Variants in ZC3H14 observed in about 807,000 individuals in gnomAD.
The protein encoded by ZC3H14 is zinc finger CCCH domain-containing protein 14.
Under a neutral mutation model 92.4 loss-of-function variants are expected in ZC3H14, and 31 were observed. The ratio of observed to expected loss-of-function variants is 0.34; its 90% CI spans 0.25 to 0.45. The LOEUF (loss-of-function observed/expected upper bound fraction) is 0.45, where lower values mean the gene tolerates loss of function less well. Among genes scored for constraint, ZC3H14 ranks in the 20% least tolerant of loss-of-function variants. The probability of loss-of-function intolerance (pLI) is 1.00; values close to 1 mark genes in which losing one functional copy is unlikely to be tolerated. For missense variants in ZC3H14, 781 were observed against 897.3 expected, an observed-to-expected ratio of 0.87 and a Z score of 1.66; for synonymous variants, 321 against 300.9, an observed-to-expected ratio of 1.07 and a Z score of -0.69.
rs752039401 is a variant in ZC3H14, at chr14:88,574,715, A to G, written c.884A>G (p.Lys295Arg). 9 of 1,614,160 alleles carry G rather than the reference A, an allele frequency of 5.6e-6. No homozygotes were observed. The South Asian group carries it at 9.9e-5, about 18-fold the overall frequency. ...SMEDENFRKRKLPVVSSVVKV... is the reference protein window; with the variant it reads ...SMEDENFRKRRLPVVSSVVKV... Reference sequence around the variant, plus strand: ...CAGGATGAAAACTTTCGGAAGAGAAAGTTGCCTGTGGTAAGTTCAGTTGTT... The same window carrying G: ...CAGGATGAAAACTTTCGGAAGAGAAGGTTGCCTGTGGTAAGTTCAGTTGTT... Residue 295 changes from lysine to arginine, a missense_variant, in exon 7 of 17, where the codon AAG (lysine) becomes AGG (arginine). This residue lies in a region of ZC3H14 where 454 missense variants were observed against 438.5 expected (regional missense o/e 1.04). Transcript: ENST00000251038.
chr14:88,594,343 G>A, intron 9 of ZC3H14: 1 of 986,868 alleles, frequency 1.0e-6, no homozygotes, highest in Non-Finnish European at 1.2e-6. Flanking sequence ...TTCTTTGTGT[G>A]ACACATGTCT....
chr14:88,584,125 A>C (rs573282374), intron 9 of ZC3H14, among the ~76,000 whole-genome samples: 2 of 152,152 alleles, frequency 1.3e-5, no homozygotes, highest in African/African-American at 4.8e-5. Context: ...CCATTTAATT[A>C]TATTTGCTTT....
At chr14:88,594,200 T>C (rs1198716205) in intron 9 of ZC3H14, among the ~76,000 whole-genome samples, 1 of 152,240 alleles carries the variant, frequency 6.6e-6, no homozygotes, top group Non-Finnish European at 1.5e-5. Context: ...AAAAATGTTA[T>C]GGTTTAGATG....
rs2088970148 is a variant in ZC3H14, at chr14:88,621,683, A to ACCCC, written c.*9932_*9933insCCCC. 1.8e-5 allele frequency: 5 copies of ACCCC among 279,950 alleles called. No individual in the cohort carries two copies. Among genetic ancestry groups the ACCCC allele is most frequent in the African/African-American group, 1.1e-4 (5 of 45,498 alleles). The allele number at this position is 279,950 out of a possible 1,614,324, so 17.3% of individuals were successfully genotyped here. The stretch of plus-strand genomic sequence containing the variant: ...AAAAGTAAAAGCTTAACTACAATTT[A>ACCCC]ATATGCAGGCTGAAGATAATATCCG... On this transcript the variant is annotated 3_prime_UTR_variant, in exon 17 of 17. Coordinates refer to ENST00000251038, the MANE Select transcript of ZC3H14 (RefSeq NM_024824.5).
At chr14:88,563,231 G>C (rs2079096800) in intron 1 of ZC3H14, 62 bp downstream of exon 1, 3 of 1,569,988 alleles carry the variant, frequency 1.9e-6, no homozygotes, top group Non-Finnish European at 2.6e-6. Context: ...GTTGTCAGGA[G>C]TAACGGGGAC....
intron 1 of ZC3H14, 184 bp downstream of exon 1, chr14:88,563,353 G>T (rs1293463157): frequency 1.4e-6 from 2 of 1,458,754 alleles, no homozygotes; most frequent in African/African-American, 1.5e-5. Context: ...GCCTCGGAGC[G>T]TGGCTGCGGC....
intron 9 of ZC3H14, among the ~76,000 whole-genome samples, chr14:88,588,768 T>G (rs566017437): frequency 6.6e-6 from 1 of 152,350 alleles, no homozygotes; most frequent in East Asian, 1.9e-4. Context: ...GCCCTTACTT[T>G]AATCTGTCAG....
At position 88,615,348 on chromosome 14, in the gene ZC3H14, GATC is replaced by G. The variant is rs1422861003; in HGVS notation, c.*3600_*3602del. 1.3e-5 allele frequency: 2 copies of G among 152,880 alleles called. No homozygotes were observed. Among genetic ancestry groups the G allele is most frequent in the South Asian group, 2.1e-4 (1 of 4,840 alleles). The allele number at this position is 152,880 out of a possible 1,614,324, so 9.5% of individuals were successfully genotyped here. ...TTTAAAAACTGTGATCCTTTAGGAT[GATC>G]ATGACTTTCCCTTTCCTTATGGAAA... is the stretch of plus-strand genomic sequence containing the variant. On this transcript the variant is annotated 3_prime_UTR_variant, in exon 17 of 17. Transcript: ENST00000251038.
At chr14:88,597,995 A>G (rs1392532946) in intron 10 of ZC3H14, among the ~76,000 whole-genome samples, 2 of 151,934 alleles carry the variant, frequency 1.3e-5, no homozygotes, top group Non-Finnish European at 2.9e-5. Flanking sequence ...CTAAAAACAT[A>G]CTGATTTTGT....
chr14:88,577,051 T>A (rs2081264241), intron 8 of ZC3H14, among the ~76,000 whole-genome samples: 1 of 152,066 alleles, frequency 6.6e-6, no homozygotes, highest in South Asian at 2.1e-4. Flanking sequence ...CTCCTCGGCC[T>A]CCCAAAATGC....
chr14:88,618,675 A>C lies in ZC3H14; in HGVS notation c.*6924A>C. 1 of 1,613,040 alleles carries C rather than the reference A, an allele frequency of 6.2e-7. No individual in the cohort carries two copies. Among genetic ancestry groups the C allele is most frequent in the Non-Finnish European group, 8.5e-7 (1 of 1,179,526 alleles). On this transcript the variant is annotated 3_prime_UTR_variant, in exon 17 of 17. Coordinates refer to ENST00000251038, the MANE Select transcript of ZC3H14 (RefSeq NM_024824.5). ...CTGGAGATAACTGCTATCTGCAGAG[A>C]AGTCCATTTGAATGACAAAGCTTGG... is the stretch of plus-strand genomic sequence containing the variant.
intron 13 of ZC3H14, among the ~76,000 whole-genome samples, chr14:88,607,725 C>T (rs2085727693): frequency 7.2e-6 from 1 of 139,476 alleles, no homozygotes; most frequent in Admixed American, 7.1e-5. Context: ...GTATCATCCC[C>T]CATCTAGCCC....
intron 2 of ZC3H14, among the ~76,000 whole-genome samples, chr14:88,565,202 C>T (rs1215992855): frequency 2.6e-5 from 4 of 152,042 alleles, no homozygotes; most frequent in African/African-American, 7.2e-5. Flanking sequence ...AGTGCAGTGG[C>T]GTGATCTTGG....
intron 12 of ZC3H14, among the ~76,000 whole-genome samples, chr14:88,604,379 A>C (rs753165009): frequency 1.3e-5 from 2 of 152,078 alleles, no homozygotes; most frequent in Non-Finnish European, 2.9e-5. Flanking sequence ...TAAGATTAGC[A>C]TAGGGGTGTG....
rs2082236466 is a variant in ZC3H14 at position 88,584,254 on chromosome 14, G to A, written c.1279+6114G>A. ...TGGGTCCACTCATACACTTATATGT[G>A]GATTTTTGAAAATAAATATATTGGA... On this transcript the variant is annotated intron_variant, in intron 9 of 16. Coordinates refer to ENST00000251038, the MANE Select transcript of ZC3H14 (RefSeq NM_024824.5). 2.0e-5 allele frequency among the ~76,000 whole-genome samples: 3 copies of A among 152,036 alleles called. No homozygotes were observed. In the South Asian group the frequency reaches 6.2e-4, roughly 32 times the overall value.
At chr14:88,598,473 A>G (rs943678857) in intron 10 of ZC3H14, among the ~76,000 whole-genome samples, 3 of 152,168 alleles carry the variant, frequency 2.0e-5, no homozygotes, top group African/African-American at 7.2e-5. Context: ...TCCCCCAACC[A>G]TTGTCAGTCC....
chr14:88,609,318 T>A lies in ZC3H14; in HGVS notation c.1920T>A (p.Asn640Lys), dbSNP rs778102410. Residue 640 changes from asparagine (N) to lysine (K), a missense_variant, in exon 14 of 17, where the codon AAT becomes AAA. Asn to Lys is a moderately conservative substitution (Grantham distance 94, BLOSUM62 0). Around this residue, in one of 3 missense-constraint regions of ZC3H14, gnomAD observed 221 missense variants for 304.7 expected, o/e 0.73. Coordinates refer to ENST00000251038, the MANE Select transcript of ZC3H14 (RefSeq NM_024824.5). The part of the protein sequence containing the change: ...FAEKCLFVHP[N>K]CKYDAKCTKP... ...AAAAATGTTTGTTTGTTCACCCAAATTGTAAATATGATGCAAAGTGTACTA... is the reference window on the plus strand; with the variant it reads ...AAAAATGTTTGTTTGTTCACCCAAAATGTAAATATGATGCAAAGTGTACTA... 1.2e-6 allele frequency: 2 copies of A among 1,614,064 alleles called. No homozygotes were observed. The highest frequency in any genetic ancestry group is 8.5e-7 in the Non-Finnish European group (1 of 1,179,980).
Position 88,610,859 on chromosome 14 carries a change from C to T in ZC3H14, c.2123C>T (p.Thr708Ile), listed in dbSNP as rs150624553. 3.1e-6 allele frequency: 5 copies of T among 1,613,984 alleles called. No individual in the cohort carries two copies. In the African/African-American group the frequency reaches 5.3e-5, roughly 17 times the overall value. Residue 708 changes from threonine (T) to isoleucine (I), a missense_variant, in exon 16 of 17, where the codon ACA becomes ATA. Thr to Ile is a moderately conservative substitution (Grantham distance 89). Coordinates refer to ENST00000251038, the MANE Select transcript of ZC3H14 (RefSeq NM_024824.5). ...PKHCRFNTQCTRPDCTFYHPT... is the reference protein window; with the variant it reads ...PKHCRFNTQCIRPDCTFYHPT... ...CATTGTAGGTTTAACACTCAATGTA[C>T]AAGACCGGACTGCACATTCTACCAT...
Position 88,616,572 on chromosome 14 carries a change from TA to T in ZC3H14, c.*4823del. The T allele has an allele frequency of 1.3e-6, 1 of 773,740 alleles. No individual in the cohort carries two copies. Among genetic ancestry groups the T allele is most frequent in the Non-Finnish European group, 2.0e-6 (1 of 498,698 alleles). The allele number at this position is 773,740 out of a possible 1,614,324, so 47.9% of individuals were successfully genotyped here. A position where few individuals can be genotyped will look rare whatever the true frequency, so the allele number is the denominator to read the frequency against. ...TTACTCGAGGGAGAGGATTTGTTTC[TA>T]ATAGCTTTTATTTCAAAGTAAATAG... On this transcript the variant is annotated 3_prime_UTR_variant, in exon 17 of 17. Coordinates refer to ENST00000251038, the MANE Select transcript of ZC3H14 (RefSeq NM_024824.5).
Sources: gnomAD v4.1 joint callset for allele counts (sites outside exome capture counted in the v4.1 genomes callset) on GRCh38, gnomAD v4.1.1 for gene constraint, gnomAD v4.1.1 regional missense constraint, MANE v1.5 for transcripts, NCBI Gene and HGNC (gene_info 2026-07-23, HGNC 2026-07-21) for gene names.